TAF5L: variants seen among roughly 807,000 people sequenced by gnomAD.
The protein encoded by TAF5L is TATA-box binding protein associated factor 5 like.
Under a neutral mutation model 51.3 loss-of-function variants are expected in TAF5L, and 7 were observed. The observed-to-expected ratio is 0.14, with a 90% CI of 0.08 to 0.26. TAF5L has a LOEUF of 0.26. TAF5L is among the 10% of genes least tolerant of loss of function. TAF5L has a pLI of 1.00. For missense variants in TAF5L, 575 were observed against 758.9 expected (o/e 0.76, Z 2.85); for synonymous variants, 291 against 308.1 (o/e 0.94, Z 0.58).
exon 5 of TAF5L, chr1:229,593,282 T>C (rs1333726313): frequency 6.6e-6 from 1 of 152,214 alleles, no homozygotes; most frequent in Admixed American, 6.5e-5. Context: ...AAGTGTTCAT[T>C]AGACTGGTAT....
chr1:229,616,012 T>C (rs893715523), intron 1 of TAF5L, among the ~76,000 whole-genome samples: 1 of 152,100 alleles, frequency 6.6e-6, no homozygotes, highest in Non-Finnish European at 1.5e-5. Flanking sequence ...TACCATTCTT[T>C]CATTTTGTTT....
chr1:229,604,842 C>A (rs758116802), intron 3 of TAF5L, among the ~76,000 whole-genome samples: 30 of 152,102 alleles, frequency 2.0e-4, no homozygotes, highest in Non-Finnish European at 1.5e-4. Context: ...TGTTTTGTTA[C>A]GAATGTTTTG....
At chr1:229,603,668 T>C (rs1664474662) in intron 3 of TAF5L, among the ~76,000 whole-genome samples, 1 of 152,230 alleles carries the variant, frequency 6.6e-6, no homozygotes, top group African/African-American at 2.4e-5. Context: ...TTTTACGTCA[T>C]TAAGACTCAA....
At chr1:229,603,843 T>C (rs1664481425) in intron 3 of TAF5L, among the ~76,000 whole-genome samples, 1 of 152,250 alleles carries the variant, frequency 6.6e-6, no homozygotes, top group South Asian at 2.1e-4. Flanking sequence ...GGTTTCGATG[T>C]GATTCATACA....
chr1:229,604,896 G>A (rs922951849), intron 3 of TAF5L, among the ~76,000 whole-genome samples: 1 of 152,006 alleles, frequency 6.6e-6, no homozygotes, highest in African/African-American at 2.4e-5. Context: ...AAATATCTTC[G>A]CATTCTTTCC....
chr1:229,595,219 T>C, intron 4 of TAF5L, 125 bp from the exon 5 acceptor site: 1 of 1,007,656 alleles, frequency 9.9e-7, no homozygotes, highest in Non-Finnish European at 1.4e-6. Context: ...ATAGCATCTA[T>C]CCAGCAAATG....
chr1:229,614,235 G>C (rs1199847528), intron 2 of TAF5L, 106 bp downstream of exon 2: 2 of 1,596,598 alleles, frequency 1.3e-6, no homozygotes, highest in Admixed American at 1.7e-5. Context: ...TGGTCAGTCT[G>C]CTCTCTCTGG....
intron 3 of TAF5L, chr1:229,607,577 T>C: frequency 1.4e-6 from 1 of 734,954 alleles, no homozygotes; most frequent in African/African-American, 1.9e-5. Flanking sequence ...TCCTGCTCAG[T>C]AAAGCCTTCT....
intron 3 of TAF5L, among the ~76,000 whole-genome samples, chr1:229,605,081 G>A (rs1337152235): frequency 1.3e-5 from 2 of 150,686 alleles, no homozygotes; most frequent in Admixed American, 1.3e-4. Context: ...ACAGGCGTGT[G>A]ACACCACGCT....
At chr1:229,596,387 T>C (rs115833668) in intron 4 of TAF5L, among the ~76,000 whole-genome samples, 1,548 of 152,290 alleles carry the variant, frequency 0.01, 10 homozygotes, top group Non-Finnish European at 0.015. Context: ...AAGGTACAGT[T>C]ACTAGTAAAT....
chr1:229,594,020 C>T lies in TAF5L; in HGVS notation c.*277G>A, dbSNP rs567264462. The T allele has an allele frequency of 6.5e-5, 23 of 355,314 alleles. No individual in the cohort carries two copies. The highest frequency in any genetic ancestry group is 3.1e-4 in the African/African-American group (15 of 47,736). The allele number at this position is 355,314 out of a possible 1,614,324, so 22.0% of individuals were successfully genotyped here. A position where few individuals can be genotyped will look rare whatever the true frequency, so the allele number is the denominator to read the frequency against. ...TGAGAGACAGGAAGGTGCTCGCATG[C>T]GCGAGGTCACGGCAGAGTCTCCATG... On this transcript the variant is annotated 3_prime_UTR_variant, in exon 5 of 5. Transcript: ENST00000258281. This position sits in a 1 kb window ranked among gnomAD's most constrained non-coding sequence, Gnocchi z 7.9.
chr1:229,621,837 G>A (rs977837509), intron 1 of TAF5L, among the ~76,000 whole-genome samples: 1 of 152,094 alleles, frequency 6.6e-6, no homozygotes, highest in African/African-American at 2.4e-5. Flanking sequence ...TTAAACACCA[G>A]TGTCTGTGAT....
intron 2 of TAF5L, chr1:229,614,013 T>G: frequency 3.4e-6 from 2 of 587,168 alleles, no homozygotes; most frequent in Non-Finnish European, 6.1e-6. Context: ...ACCCTGTCCC[T>G]AAGGGTCTTG....
intron 1 of TAF5L, among the ~76,000 whole-genome samples, chr1:229,616,682 C>A (rs1012533852): frequency 2.6e-5 from 4 of 152,064 alleles, no homozygotes; most frequent in Admixed American, 2.6e-4. Flanking sequence ...TTTGTGGGAG[C>A]CCTTTAAAAA....
chr1:229,611,813 C>T (rs1408722877), intron 2 of TAF5L, among the ~76,000 whole-genome samples: 2 of 152,138 alleles, frequency 1.3e-5, no homozygotes, highest in Non-Finnish European at 1.5e-5. Context: ...ACCTGGATAC[C>T]CTCCTCCAAT....
At chr1:229,607,176 C>A (rs1326093958) in intron 3 of TAF5L, 31 of 985,234 alleles carry the variant, frequency 3.1e-5, no homozygotes, top group Non-Finnish European at 3.6e-5. Flanking sequence ...CCTGAGCCAT[C>A]GTCACCTCTT....
chr1:229,605,994 T>C (rs781590637), intron 3 of TAF5L: 1 of 356,448 alleles, frequency 2.8e-6, no homozygotes, highest in Non-Finnish European at 3.9e-6. Context: ...GGATGAAGGA[T>C]TGTTTTCAAT....
At chr1:229,606,380 TC>T (rs1044417557) in intron 3 of TAF5L, 2 of 969,306 alleles carry the variant, frequency 2.1e-6, no homozygotes, top group Non-Finnish European at 2.5e-6. Context: ...CACTTTTTCT[TC>T]CTTCTATCTA....
At position 229,594,724 on chromosome 1, in the gene TAF5L, T is replaced by G; in HGVS notation, c.1343A>C (p.Lys448Thr). 6.2e-7 allele frequency: 1 copy of G among 1,614,170 alleles called. No individual in the cohort carries two copies. The highest frequency in any genetic ancestry group is 8.5e-7 in the Non-Finnish European group (1 of 1,180,040). Reference sequence around the variant, plus strand: ...CTGAGCGCTCCACAGCCGGACGGTCTTGTCGGTTGAGCCCGTGGCCAAGTA... The same window carrying G: ...CTGAGCGCTCCACAGCCGGACGGTCGTGTCGGTTGAGCCCGTGGCCAAGTA... Residue 448 changes from lysine to threonine, a missense_variant, in exon 5 of 5, where the codon AAG (lysine) becomes ACG (threonine). Physicochemically the swap from Lys to Thr is moderately conservative, Grantham distance 78. Transcript: ENST00000258281. The surrounding 1 kb of genome is among the most constrained non-coding windows in gnomAD (Gnocchi z 7.9).
Sources: allele counts gnomAD v4.1 joint callset (sites outside exome capture counted in the v4.1 genomes callset), GRCh38; gene constraint gnomAD v4.1.1; non-coding constraint Gnocchi (gnomAD v3.1); transcripts MANE v1.5; gene names NCBI Gene and HGNC (gene_info 2026-07-23, HGNC 2026-07-21).